FAM72A: variants seen among roughly 807,000 people sequenced by gnomAD.
FAM72A encodes protein FAM72A.
FAM72A carries 1 observed loss-of-function variant against 11.3 expected under a neutral mutation model. The observed-to-expected ratio is 0.09, with a 90% CI of 0.03 to 0.42. The LOEUF (loss-of-function observed/expected upper bound fraction) is 0.42, where lower values mean the gene tolerates loss of function less well. FAM72A is among the 10% of genes least tolerant of loss of function. FAM72A has a pLI of 0.98. For missense variants in FAM72A, 15 were observed against 135.5 expected (o/e 0.11, Z 4.41); for synonymous variants, 5 against 46.9 (o/e 0.11, Z 3.65).
At chr1:206,203,287 C>T (rs531497381), upstream of FAM72A, 98 of 398,006 alleles carry the variant, frequency 2.5e-4, no homozygotes, top group African/African-American at 1.8e-3. Context: ...GTCGTCGGTT[C>T]CACCTTAATC....
chr1:206,196,761 G>C (rs1234723214), intron 2 of FAM72A, among the ~76,000 whole-genome samples: 1 of 149,928 alleles, frequency 6.7e-6, no homozygotes, highest in South Asian at 2.1e-4. Context: ...GAATTATCCA[G>C]CTGATTATAA....
chr1:206,202,034 AG>A lies in FAM72A; in HGVS notation c.-10del. 6.6e-7 allele frequency: 1 copy of A among 1,505,208 alleles called. No individual in the cohort carries two copies. Among genetic ancestry groups the A allele is most frequent in the South Asian group, 1.3e-5 (1 of 74,762 alleles). 93.2% of individuals were successfully genotyped at this position (1,505,208 alleles called of 1,614,324 possible). ...CAAATGTTGGTAGACATGGCGTCGCAGGAAGGATGAGGTGTGGGATTTTGAA... is the reference window on the plus strand; with the variant it reads ...CAAATGTTGGTAGACATGGCGTCGCAGAAGGATGAGGTGTGGGATTTTGAA... On this transcript the variant is annotated 5_prime_UTR_variant, in exon 1 of 4. Coordinates refer to ENST00000367128, the MANE Select transcript of FAM72A (RefSeq NM_001123168.3).
At chr1:206,194,108 C>T in intron 3 of FAM72A, among the ~76,000 whole-genome samples, 1 of 151,698 alleles carries the variant, frequency 6.6e-6, no homozygotes, top group Non-Finnish European at 1.5e-5. Flanking sequence ...AAATATCAGT[C>T]TTAACAGGAG....
intron 2 of FAM72A, among the ~76,000 whole-genome samples, chr1:206,199,036 C>T (rs1236423656): frequency 3.9e-4 from 58 of 147,698 alleles, no homozygotes; most frequent in Admixed American, 7.5e-4. Flanking sequence ...GAGCTTAGAT[C>T]GCGCCATTGC....
chr1:206,199,005 C>T (rs1319522037), intron 2 of FAM72A, among the ~76,000 whole-genome samples: 1 of 150,852 alleles, frequency 6.6e-6, no homozygotes, highest in African/African-American at 2.4e-5. Flanking sequence ...TCACTTGAAC[C>T]TGGGAGGTGG....
chr1:206,191,997 T>C (rs1414900572), intron 3 of FAM72A, among the ~76,000 whole-genome samples: 1 of 142,166 alleles, frequency 7.0e-6, no homozygotes, highest in Non-Finnish European at 1.5e-5. Context: ...TTGTACACCA[T>C]AGATACTGGG....
chr1:206,189,412 T>C (rs2102374783), intron 3 of FAM72A, among the ~76,000 whole-genome samples: 2 of 147,968 alleles, frequency 1.4e-5, no homozygotes, highest in Middle Eastern at 3.5e-3. Context: ...TATTATTTTC[T>C]ATAATCTTTT....
At chr1:206,203,787 TC>T (rs1665564023), upstream of FAM72A, 1 of 1,524,514 alleles carries the variant, frequency 6.6e-7, no homozygotes, top group Non-Finnish European at 8.8e-7. Context: ...CCGCCCGGAA[TC>T]CCTCAGACCG....
intron 3 of FAM72A, among the ~76,000 whole-genome samples, chr1:206,189,098 G>C (rs1412081139): frequency 6.6e-6 from 1 of 151,048 alleles, no homozygotes; most frequent in Admixed American, 6.6e-5. Flanking sequence ...TTTTTCACTC[G>C]TCATGTTTTT....
At chr1:206,187,872 T>TA (rs1381237633) in intron 3 of FAM72A, among the ~76,000 whole-genome samples, 1 of 130,014 alleles carries the variant, frequency 7.7e-6, no homozygotes, top group Non-Finnish European at 1.6e-5. Context: ...CACTTTTTTT[T>TA]AAAGGGCTAG....
intron 2 of FAM72A, among the ~76,000 whole-genome samples, chr1:206,196,850 G>A (rs1412973378): frequency 3.9e-4 from 58 of 149,238 alleles, no homozygotes; most frequent in African/African-American, 1.4e-3. Flanking sequence ...TACAGGGAAT[G>A]TTTTAGCTAG....
At chr1:206,205,240 A>C (rs1257400870), upstream of FAM72A, 1 of 150,212 alleles carries the variant, frequency 6.7e-6, no homozygotes, top group East Asian at 2.0e-4. Flanking sequence ...GTTTTCTTTC[A>C]GCCTTAAAAT....
chr1:206,187,603 A>C (rs1186427868), intron 3 of FAM72A, among the ~76,000 whole-genome samples: 2 of 152,042 alleles, frequency 1.3e-5, no homozygotes, highest in East Asian at 3.9e-4. Flanking sequence ...CCCAGGCTGG[A>C]GTGCCTGGTA....
chr1:206,192,991 G>T (rs782792407), intron 3 of FAM72A, among the ~76,000 whole-genome samples: 1 of 149,722 alleles, frequency 6.7e-6, no homozygotes, highest in Non-Finnish European at 1.5e-5. Context: ...TTGGCTCACC[G>T]CAACCTCCGC....
intron 2 of FAM72A, among the ~76,000 whole-genome samples, chr1:206,196,092 CTAT>C (rs376030453): frequency 0.018 from 2,501 of 142,614 alleles, no homozygotes; most frequent in African/African-American, 0.063. Flanking sequence ...CATTTCTTTG[CTAT>C]TATTATTATT....
upstream of FAM72A, chr1:206,203,167 T>G (rs1278276129): frequency 8.4e-6 from 2 of 239,498 alleles, no homozygotes; most frequent in Non-Finnish European, 1.6e-5. Flanking sequence ...TTGGAAGAGG[T>G]TCTACAGTCT....
chr1:206,193,040 A>T (rs1664875894), intron 3 of FAM72A, among the ~76,000 whole-genome samples: 1 of 150,090 alleles, frequency 6.7e-6, no homozygotes, highest in Non-Finnish European at 1.5e-5. Context: ...TAGCCTCCCA[A>T]GTAGCTGGGA....
intron 2 of FAM72A, among the ~76,000 whole-genome samples, chr1:206,198,530 G>T (rs1665192004): frequency 6.9e-6 from 1 of 145,514 alleles, no homozygotes; most frequent in Non-Finnish European, 1.5e-5. Context: ...AGAAGAGCTT[G>T]CCAATTTAAA....
At position 206,186,988 on chromosome 1, in the gene FAM72A, G is replaced by A. The variant is rs1197024817; in HGVS notation, c.*291C>T. On this transcript the variant is annotated 3_prime_UTR_variant, in exon 4 of 4. Coordinates refer to ENST00000367128, the MANE Select transcript of FAM72A (RefSeq NM_001123168.3). ...TTGTAAGAAAAACTCCCCCAGATTGGGAGGTAACTGAGTGATATGTGAAAG... is the reference window on the plus strand; with the variant it reads ...TTGTAAGAAAAACTCCCCCAGATTGAGAGGTAACTGAGTGATATGTGAAAG... 5.2e-5 allele frequency: 15 copies of A among 291,228 alleles called. No homozygotes were observed. Among genetic ancestry groups the A allele is most frequent in the African/African-American group, 2.7e-4 (12 of 45,152 alleles). 18.0% of individuals were successfully genotyped at this position (291,228 alleles called of 1,614,324 possible).
Sources: allele counts gnomAD v4.1 joint callset (sites outside exome capture counted in the v4.1 genomes callset), GRCh38; gene constraint gnomAD v4.1.1; transcripts MANE v1.5; gene names NCBI Gene and HGNC (gene_info 2026-07-23, HGNC 2026-07-21).